Variants in PELP1 observed in about 807,000 individuals in gnomAD.
The protein encoded by PELP1 is proline, glutamate and leucine rich protein 1, also known as proline-, glutamic acid- and leucine-rich protein 1.
PELP1 carries 32 observed loss-of-function variants against 95.5 expected under a neutral mutation model. The observed-to-expected ratio is 0.34, with a 90% CI of 0.25 to 0.45. The LOEUF (loss-of-function observed/expected upper bound fraction) is 0.45, where lower values mean the gene tolerates loss of function less well. Among genes scored for constraint, PELP1 ranks in the 20% least tolerant of loss-of-function variants. PELP1 has a pLI of 1.00. For missense variants in PELP1, 1,358 were observed against 1,444.8 expected, an observed-to-expected ratio of 0.94 and a Z score of 0.97; for synonymous variants, 668 against 600.1, an observed-to-expected ratio of 1.11 and a Z score of -1.65.
At chr17:4,681,973 G>A (rs1359271679) in intron 5 of PELP1, among the ~76,000 whole-genome samples, 1 of 151,986 alleles carries the variant, frequency 6.6e-6, no homozygotes, top group Non-Finnish European at 1.5e-5. Flanking sequence ...AGACCAGCCT[G>A]GGTAACATGG....
At position 4,672,546 on chromosome 17, in the gene PELP1, C is replaced by T. The variant is rs1364173659; in HGVS notation, c.2445G>A (p.Gly815=). 11 of 1,584,666 alleles carry T rather than the reference C, an allele frequency of 6.9e-6. No individual in the cohort carries two copies. Among genetic ancestry groups the T allele is most frequent in the African/African-American group, 4.1e-5 (3 of 73,338 alleles). The change falls in exon 16 of 17, where the codon GGG becomes GGA. Residue 815 remains glycine, a synonymous_variant. Coordinates refer to ENST00000572293, the MANE Select transcript of PELP1 (RefSeq NM_014389.3). ...GCACAGGAGGGGAGGCTGTTGGTGG[C>T]CCAGTGGGGGCTATAGGGGGTGGTG... ...GATPPPIAPT[G]PPTASPPVPA...
chr17:4,675,446 A>C lies in PELP1; in HGVS notation c.1069-84T>G, dbSNP rs76493838. 3.4e-6 allele frequency: 3 copies of C among 870,230 alleles called. No individual in the cohort carries two copies. Among genetic ancestry groups the C allele is most frequent in the Non-Finnish European group, 5.6e-6 (3 of 536,512 alleles). The allele number at this position is 870,230 out of a possible 1,614,324, so 53.9% of individuals were successfully genotyped here. Reference sequence around the variant, plus strand: ...ACAGAAACAGGGAATGACCATTTACATATGTACACATAGGTAAGAAACCCA... The same window carrying C: ...ACAGAAACAGGGAATGACCATTTACCTATGTACACATAGGTAAGAAACCCA... On this transcript the variant is annotated intron_variant, in intron 9 of 16. Coordinates refer to ENST00000572293, the MANE Select transcript of PELP1 (RefSeq NM_014389.3). This position sits in a 1 kb window ranked among gnomAD's most constrained non-coding sequence, Gnocchi z 4.3.
intron 1 of PELP1, among the ~76,000 whole-genome samples, chr17:4,694,791 T>C (rs895838738): frequency 1.3e-5 from 2 of 148,526 alleles, no homozygotes; most frequent in Non-Finnish European, 3.0e-5. Flanking sequence ...GCCAACATGG[T>C]GAAACCCCGG....
In PELP1 at chr17:4,672,442, G is replaced by A. The variant is rs1403119450; in HGVS notation, c.2549C>T (p.Pro850Leu). The A allele has an allele frequency of 8.3e-6, 13 of 1,570,322 alleles. No homozygotes were observed. Among genetic ancestry groups the A allele is most frequent in the Non-Finnish European group, 1.1e-5 (13 of 1,158,100 alleles). The change falls in exon 16 of 17, where the codon CCT becomes CTT. Residue 850 changes from proline to leucine, a missense_variant. By Grantham distance (98) the Pro-to-Leu change is moderately conservative. Transcript: ENST00000572293. The part of the protein sequence containing the change: ...PPPPPPPPPV[P>L]GPVTLPPPQL... ...GGGTGGAGGGAGCGTCACAGGACCA[G>A]GAACAGGCGGCGGCGGAGGTGGGGG...
intron 1 of PELP1, among the ~76,000 whole-genome samples, chr17:4,692,546 G>A (rs1262607245): frequency 6.6e-6 from 1 of 152,010 alleles, no homozygotes; most frequent in Admixed American, 6.6e-5. Flanking sequence ...TTATTTTCTA[G>A]TTAAGAGGAG....
At chr17:4,676,623 G>A in intron 6 of PELP1, 116 bp from the exon 7 acceptor site, 1 of 1,430,984 alleles carries the variant, frequency 7.0e-7, no homozygotes, top group Non-Finnish European at 9.7e-7. Flanking sequence ...AGGGAAACCT[G>A]AGATGGGACA....
intron 2 of PELP1, 178 bp downstream of exon 2, chr17:4,691,200 G>A (rs990392827): frequency 1.6e-6 from 1 of 644,230 alleles, no homozygotes; most frequent in East Asian, 2.7e-5. Flanking sequence ...ACATCTGGGA[G>A]CTGGAAAAGG....
chr17:4,671,880 C>T lies in PELP1; in HGVS notation c.3111G>A (p.Val1037=). The T allele has an allele frequency of 4.6e-6, 7 of 1,514,370 alleles. No individual in the cohort carries two copies. Among genetic ancestry groups the T allele is most frequent in the Non-Finnish European group, 6.2e-6 (7 of 1,135,024 alleles). The allele number at this position is 1,514,370 out of a possible 1,614,324, so 93.8% of individuals were successfully genotyped here. Residue 1037 remains valine, a synonymous_variant, in exon 16 of 17, where the codon GTG becomes GTA. Coordinates refer to ENST00000572293, the MANE Select transcript of PELP1 (RefSeq NM_014389.3). ...APEALPSQGE[V]EREGESPAAG... Reference sequence around the variant, plus strand: ...CCGCAGGGCTTTCCCCTTCCCTCTCCACCTCTCCCTGGGAGGGGAGCGCTT... The same window carrying T: ...CCGCAGGGCTTTCCCCTTCCCTCTCTACCTCTCCCTGGGAGGGGAGCGCTT...
intron 5 of PELP1, among the ~76,000 whole-genome samples, chr17:4,680,222 C>T (rs892665188): frequency 2.0e-5 from 3 of 152,184 alleles, no homozygotes; most frequent in African/African-American, 7.2e-5. Context: ...AAGACCAGTT[C>T]CCTTTCCCTC....
At chr17:4,690,277 A>T (rs1257510909) in intron 3 of PELP1, among the ~76,000 whole-genome samples, 1 of 152,146 alleles carries the variant, frequency 6.6e-6, no homozygotes, top group Non-Finnish European at 1.5e-5. Flanking sequence ...CTCGGGCGGA[A>T]ATGTGGGAGA....
intron 3 of PELP1, 97 bp downstream of exon 3, chr17:4,690,791 C>G: frequency 1.3e-6 from 1 of 773,640 alleles, no homozygotes; most frequent in Non-Finnish European, 2.3e-6. Flanking sequence ...ATTCTGTCCC[C>G]AGAACTACAT....
intron 1 of PELP1, among the ~76,000 whole-genome samples, chr17:4,699,590 ATTTG>A (rs1415312209): frequency 5.3e-5 from 8 of 152,082 alleles, no homozygotes; most frequent in Non-Finnish European, 7.4e-5. Context: ...CTAGAGGGTG[ATTTG>A]TTTGTTTTTT....
chr17:4,680,513 T>C (rs1597449771), intron 5 of PELP1, among the ~76,000 whole-genome samples: 1 of 152,224 alleles, frequency 6.6e-6, no homozygotes, highest in East Asian at 1.9e-4. Context: ...CCTGAGCTCA[T>C]GCAATCTGCC....
Position 4,703,877 on chromosome 17 carries a change from C to A in PELP1, c.235G>T (p.Val79Leu). The change falls in exon 1 of 17, where the codon GTG becomes TTG. Residue 79 changes from valine to leucine, a missense_variant. Around this residue, in one of 7 missense-constraint regions of PELP1, gnomAD observed 169 missense variants for 134.9 expected, o/e 1.25. Transcript: ENST00000572293. ...LMCLLRLHGS[V>L]GGAQNLSALG... ...CACGGACTCACCTGGGCCCCGCCCA[C>A]CGACCCATGCAGCCGCAATAGGCAC... The A allele has an allele frequency of 6.2e-7, 1 of 1,611,928 alleles. No individual in the cohort carries two copies.
At chr17:4,700,270 T>C (rs1913470758) in intron 1 of PELP1, among the ~76,000 whole-genome samples, 1 of 152,122 alleles carries the variant, frequency 6.6e-6, no homozygotes, top group South Asian at 2.1e-4. Context: ...CCAGGTGCAG[T>C]GGCTCATCCC....
At chr17:4,703,165 T>A (rs1913614980) in intron 1 of PELP1, among the ~76,000 whole-genome samples, 1 of 152,074 alleles carries the variant, frequency 6.6e-6, no homozygotes, top group Non-Finnish European at 1.5e-5. Context: ...ATCTCACCAG[T>A]CTCATCTGTA....
At position 4,675,789 on chromosome 17, in the gene PELP1, C is replaced by T. The variant is rs1360510975; in HGVS notation, c.1068+8G>A. The T allele has an allele frequency of 2.6e-6, 4 of 1,555,918 alleles. No homozygotes were observed. In the Admixed American group the frequency reaches 7.6e-5, roughly 30 times the overall value. On this transcript the variant is annotated splice_region_variant and intron_variant, in intron 9 of 16. Transcript: ENST00000572293. This position sits in a 1 kb window ranked among gnomAD's most constrained non-coding sequence, Gnocchi z 4.3. ...AAGGGCTCTGAAGAGATGACAAATC[C>T]CACTTACAATATTCTTGCTACTGAC...
intron 2 of PELP1, 52 bp from the exon 3 acceptor site, chr17:4,691,045 G>T: frequency 8.0e-7 from 1 of 1,254,486 alleles, no homozygotes; most frequent in Non-Finnish European, 1.2e-6. Context: ...AGACTTCAGA[G>T]AAAGTGACTG....
Position 4,703,871 on chromosome 17 carries a change from C to T in PELP1, c.241G>A (p.Gly81Arg), listed in dbSNP as rs1289809153. 6.2e-7 allele frequency: 1 copy of T among 1,610,854 alleles called. No homozygotes were observed. The highest frequency in any genetic ancestry group is 1.7e-5 in the Admixed American group (1 of 59,768). The change falls in exon 1 of 17, where the codon GGG becomes AGG. Residue 81 changes from glycine to arginine, a missense_variant. Transcript: ENST00000572293. ...CLLRLHGSVG[G>R]AQNLSALGAL... ...GCGGGCCACGGACTCACCTGGGCCC[C>T]GCCCACCGACCCATGCAGCCGCAAT...
Sources: allele counts gnomAD v4.1 joint callset (sites outside exome capture counted in the v4.1 genomes callset), GRCh38; gene constraint gnomAD v4.1.1; regional missense constraint gnomAD v4.1.1; non-coding constraint Gnocchi (gnomAD v3.1); transcripts MANE v1.5; gene names NCBI Gene and HGNC (gene_info 2026-07-23, HGNC 2026-07-21).